The following PHF2 variants were observed in gnomAD, a reference collection of about 807,000 sequenced individuals.
PHF2 encodes the protein PHD finger protein 2.
In PHF2, 27 loss-of-function variants were observed where a neutral mutation model predicts 120.5. The ratio of observed to expected loss-of-function variants is 0.22; its 90% CI spans 0.17 to 0.31. The LOEUF (loss-of-function observed/expected upper bound fraction) is 0.31, where lower values mean the gene tolerates loss of function less well. Ranked by LOEUF, PHF2 falls within the 10% of genes least tolerant of loss-of-function variation. The probability of loss-of-function intolerance (pLI) is 1.00; values close to 1 mark genes in which losing one functional copy is unlikely to be tolerated. For synonymous variants in PHF2, 568 were observed against 592.5 expected, an observed-to-expected ratio of 0.96 and a Z score of 0.60; for missense variants, 1,024 against 1,434.8, an observed-to-expected ratio of 0.71 and a Z score of 4.63.
chr9:93,595,705 T>C (rs1825319500), intron 1 of PHF2, among the ~76,000 whole-genome samples: 1 of 152,264 alleles, frequency 6.6e-6, no homozygotes, highest in Admixed American at 6.5e-5. Context: ...TATGTGTGTA[T>C]ACATACCTGG....
chr9:93,600,544 C>T (rs181284584), intron 1 of PHF2, among the ~76,000 whole-genome samples: 1 of 152,360 alleles, frequency 6.6e-6, no homozygotes, highest in Non-Finnish European at 1.5e-5. Flanking sequence ...TCTGCTCAGC[C>T]ACCTCAGGTG....
chr9:93,615,905 G>T (rs1479734211), intron 1 of PHF2, among the ~76,000 whole-genome samples: 1 of 152,240 alleles, frequency 6.6e-6, no homozygotes, highest in Non-Finnish European at 1.5e-5. Flanking sequence ...GAGCTGGGAA[G>T]GGAGCTGTCG....
intron 4 of PHF2, among the ~76,000 whole-genome samples, chr9:93,647,726 C>T (rs538682441): frequency 3.3e-5 from 5 of 152,268 alleles, no homozygotes; most frequent in African/African-American, 7.2e-5. Flanking sequence ...CCCGTCTCTA[C>T]TAAAAATACA....
chr9:93,605,217 T>C (rs1472865352), intron 1 of PHF2, among the ~76,000 whole-genome samples: 1 of 152,216 alleles, frequency 6.6e-6, no homozygotes, highest in Non-Finnish European at 1.5e-5. Context: ...TTGTACATTT[T>C]TATTTTATAC....
chr9:93,577,126 G>A (rs1862836508), intron 1 of PHF2, among the ~76,000 whole-genome samples: 1 of 149,070 alleles, frequency 6.7e-6, no homozygotes, highest in South Asian at 2.1e-4. Context: ...AGGCCCGCGG[G>A]CCGGGAGGTG....
intron 18 of PHF2, among the ~76,000 whole-genome samples, chr9:93,674,157 G>T (rs1229271738): frequency 1.3e-5 from 2 of 152,082 alleles, no homozygotes; most frequent in Non-Finnish European, 2.9e-5. Context: ...GGCACCGGGC[G>T]CCATCTTGCT....
intron 1 of PHF2, among the ~76,000 whole-genome samples, chr9:93,629,456 A>T (rs897921817): frequency 6.6e-6 from 1 of 151,968 alleles, no homozygotes; most frequent in Non-Finnish European, 1.5e-5. Context: ...AGTGGTCATG[A>T]TGTCTGGAGT....
At chr9:93,638,534 A>G (rs1478694808) in intron 3 of PHF2, among the ~76,000 whole-genome samples, 4 of 152,144 alleles carry the variant, frequency 2.6e-5, no homozygotes, top group Non-Finnish European at 4.4e-5. Context: ...TGAAAAAACT[A>G]TTCTTTTGCT....
At chr9:93,585,921 G>C (rs1863034684) in intron 1 of PHF2, among the ~76,000 whole-genome samples, 1 of 152,238 alleles carries the variant, frequency 6.6e-6, no homozygotes, top group South Asian at 2.1e-4. Context: ...GGAGCTTGAG[G>C]CCCTTCCCTG....
chr9:93,590,996 A>G (rs78335081), intron 1 of PHF2, among the ~76,000 whole-genome samples: 85 of 152,302 alleles, frequency 5.6e-4, no homozygotes, highest in African/African-American at 2.0e-3. Flanking sequence ...GGACATCCCA[A>G]CAGCTCCGGG....
In PHF2 at chr9:93,627,700, G is replaced by C. The variant is rs887356931; in HGVS notation, c.99-2270G>C. 5.9e-5 allele frequency among the ~76,000 whole-genome samples: 9 copies of C among 152,044 alleles called. 1 individual carries two copies. Among genetic ancestry groups the C allele is most frequent in the Admixed American group, 5.9e-4 (9 of 15,258 alleles). ...TTCCCCTCTATTCCTAGTTTGTAGA[G>C]TATTTTTATCATGAAAGGATTTTGT... is the stretch of plus-strand genomic sequence containing the variant. On this transcript the variant is annotated intron_variant, in intron 1 of 21. Coordinates refer to ENST00000359246, the MANE Select transcript of PHF2 (RefSeq NM_005392.4).
At chr9:93,663,823 C>T (rs568943985) in intron 14 of PHF2, among the ~76,000 whole-genome samples, 188 bp downstream of exon 14, 55 of 152,262 alleles carry the variant, frequency 3.6e-4, no homozygotes, top group African/African-American at 1.2e-3. Flanking sequence ...ATCACGTACC[C>T]CATAAACACA....
chr9:93,660,139 TG>T (rs913268097), intron 11 of PHF2, 52 bp from the exon 12 acceptor site: 2 of 1,482,070 alleles, frequency 1.3e-6, no homozygotes. Flanking sequence ...TGGACCGTCT[TG>T]GGCCACAGTT....
At chr9:93,642,567 A>G (rs565735636) in intron 3 of PHF2, among the ~76,000 whole-genome samples, 12 of 152,276 alleles carry the variant, frequency 7.9e-5, no homozygotes, top group Non-Finnish European at 1.5e-4. Flanking sequence ...TTTGAAAGGT[A>G]TTTTATTGTC....
intron 1 of PHF2, among the ~76,000 whole-genome samples, chr9:93,627,273 C>G (rs1825928112): frequency 6.6e-6 from 1 of 151,948 alleles, no homozygotes. Flanking sequence ...TAATTGCTTT[C>G]TTGATTTTAT....
rs561696025 is a variant in PHF2, at chr9:93,633,934, A to G, written c.185-2477A>G. Among the ~76,000 whole-genome samples the G allele has an allele frequency of 8.8e-4, 133 of 151,998 alleles. 1 individual carries two copies. Among genetic ancestry groups the G allele is most frequent in the African/African-American group, 2.7e-3 (111 of 41,470 alleles). On this transcript the variant is annotated intron_variant, in intron 2 of 21. Transcript: ENST00000359246. The stretch of plus-strand genomic sequence containing the variant: ...AGCCCTGAGGCCTCTCCCAGCTGCA[A>G]TGTCACTGCTGCTGCATAACCACGG...
At chr9:93,596,925 ATTTTTTTTTTTTTT>A (rs1158735768) in intron 1 of PHF2, among the ~76,000 whole-genome samples, 2 of 88,512 alleles carry the variant, frequency 2.3e-5, no homozygotes, top group East Asian at 6.2e-4. Flanking sequence ...CGCCCAGCTA[ATTTTTTTTTTTTTT>A]TTTTTTTTTT....
intron 1 of PHF2, among the ~76,000 whole-genome samples, chr9:93,603,941 C>A (rs989758635): frequency 8.5e-5 from 13 of 152,230 alleles, no homozygotes; most frequent in Non-Finnish European, 1.9e-4. Flanking sequence ...ACCTCCAGAT[C>A]CCCCAGCCTG....
intron 1 of PHF2, among the ~76,000 whole-genome samples, chr9:93,577,953 TCCCAAACCACCGGCA>T (rs1862864107): frequency 6.6e-6 from 1 of 152,070 alleles, no homozygotes; most frequent in Non-Finnish European, 1.5e-5. Flanking sequence ...GGGGCTCCAG[TCCCAAACCACCGGCA>T]GCAAGCAGCC....
Sources: gnomAD v4.1 joint callset for allele counts (sites outside exome capture counted in the v4.1 genomes callset) on GRCh38, gnomAD v4.1.1 for gene constraint, MANE v1.5 for transcripts, NCBI Gene and HGNC (gene_info 2026-07-23, HGNC 2026-07-21) for gene names.